Variants in GALNT13 observed in about 807,000 individuals in gnomAD.
GALNT13 encodes the protein UDP-GalNAc:polypeptide N-acetylgalactosaminyltransferase 13.
GALNT13 carries 28 observed loss-of-function variants against 64.2 expected under a neutral mutation model. The observed-to-expected ratio is 0.44, with a 90% CI of 0.32 to 0.60. GALNT13 has a LOEUF of 0.60. Ranked by LOEUF, GALNT13 falls within the 20% of genes least tolerant of loss-of-function variation. GALNT13 has a pLI of 0.05. For synonymous variants in GALNT13, 214 were observed against 224.6 expected (o/e 0.95, Z 0.42); for missense variants, 577 against 669.8 (o/e 0.86, Z 1.53).
chr2:154,344,037 C>T (rs753158469), intron 9 of GALNT13, among the ~76,000 whole-genome samples: 4 of 151,886 alleles, frequency 2.6e-5, no homozygotes, highest in South Asian at 2.1e-4. Context: ...TTTCTCTCTC[C>T]TTGTGAGTCT....
At chr2:153,419,495 G>GAT in the GALNT13 span, among the ~76,000 whole-genome samples, 7 of 152,206 alleles carry the variant, frequency 4.6e-5, no homozygotes, top group Admixed American at 1.3e-4. Flanking sequence ...ATGGCAAAAT[G>GAT]ATAGAGACAA....
At chr2:153,609,917 G>A in the GALNT13 span, among the ~76,000 whole-genome samples, 1 of 152,076 alleles carries the variant, frequency 6.6e-6, no homozygotes, top group African/African-American at 2.4e-5. Context: ...ATGACATCCT[G>A]AGCTAGGAAA....
chr2:154,130,731 C>T (rs1451389375), intron 3 of GALNT13, among the ~76,000 whole-genome samples: 2 of 152,118 alleles, frequency 1.3e-5, no homozygotes, highest in Non-Finnish European at 2.9e-5. Context: ...GATGCATAGT[C>T]AATGAATGCA....
At chr2:153,468,429 C>T in the GALNT13 span, among the ~76,000 whole-genome samples, 3 of 152,020 alleles carry the variant, frequency 2.0e-5, no homozygotes, top group Admixed American at 6.6e-5. Context: ...CTCTATACAC[C>T]ACTACTGAGG....
the GALNT13 span, among the ~76,000 whole-genome samples, chr2:153,640,113 G>C: frequency 2.6e-5 from 4 of 152,212 alleles, no homozygotes; most frequent in African/African-American, 9.6e-5. Flanking sequence ...GTTGGAAAAA[G>C]AAGTTTGGTC....
At chr2:153,140,439 A>G in the GALNT13 span, among the ~76,000 whole-genome samples, 2 of 152,012 alleles carry the variant, frequency 1.3e-5, no homozygotes, top group African/African-American at 4.8e-5. Context: ...ATATAAATGT[A>G]TTTTCATAAA....
chr2:154,100,916 G>C (rs1182781802), intron 3 of GALNT13, among the ~76,000 whole-genome samples: 1 of 150,696 alleles, frequency 6.6e-6, no homozygotes, highest in Non-Finnish European at 1.5e-5. Context: ...ATTTATGAGA[G>C]GATGTTGGAG....
At chr2:154,277,344 T>G (rs1691704825) in intron 8 of GALNT13, among the ~76,000 whole-genome samples, 2 of 152,254 alleles carry the variant, frequency 1.3e-5, no homozygotes, top group South Asian at 4.1e-4. Context: ...TCGTCAAAAT[T>G]AATGCATTCA....
chr2:154,308,831 G>A lies in GALNT13; in HGVS notation c.1156+7242G>A, dbSNP rs1373381724. On this transcript the variant is annotated intron_variant, in intron 9 of 12. Coordinates refer to ENST00000392825, the MANE Select transcript of GALNT13 (RefSeq NM_052917.4). ...GTGATGCCCTAAAATGCTAAATATT[G>A]AAAATAAAGAATGACAGCTATATTC... Among the ~76,000 whole-genome samples the A allele has an allele frequency of 3.9e-5, 6 of 152,092 alleles. No homozygotes were observed. The East Asian group carries it at 1.2e-3, about 29-fold the overall frequency.
chr2:153,674,427 A>T, the GALNT13 span, among the ~76,000 whole-genome samples: 1 of 152,286 alleles, frequency 6.6e-6, no homozygotes, highest in South Asian at 2.1e-4. Context: ...TCTTTGACAA[A>T]CCTGACAAAA....
chr2:153,702,354 G>T, the GALNT13 span, among the ~76,000 whole-genome samples: 1 of 152,004 alleles, frequency 6.6e-6, no homozygotes, highest in African/African-American at 2.4e-5. Context: ...GAGGGTTAGG[G>T]GCAAGGGGAG....
At chr2:153,925,436 T>G (rs994331908) in intron 2 of GALNT13, among the ~76,000 whole-genome samples, 2 of 151,970 alleles carry the variant, frequency 1.3e-5, no homozygotes, top group African/African-American at 4.8e-5. Context: ...ACCTGTACCA[T>G]GCTGTTTTGG....
chr2:153,721,863 C>A, the GALNT13 span, among the ~76,000 whole-genome samples: 4 of 151,448 alleles, frequency 2.6e-5, no homozygotes, highest in African/African-American at 7.3e-5. Flanking sequence ...TAATCGGAGA[C>A]TTTAACACCC....
the GALNT13 span, among the ~76,000 whole-genome samples, chr2:153,228,803 G>A: frequency 1.3e-5 from 2 of 149,320 alleles, no homozygotes; most frequent in African/African-American, 2.5e-5. Flanking sequence ...AACCTGGGAG[G>A]CGGAGGTTGC....
chr2:153,379,881 A>T, the GALNT13 span, among the ~76,000 whole-genome samples: 1 of 152,192 alleles, frequency 6.6e-6, no homozygotes, highest in African/African-American at 2.4e-5. Context: ...ATCCAATGGG[A>T]TAGATATATC....
chr2:153,411,430 A>G, the GALNT13 span, among the ~76,000 whole-genome samples: 1 of 152,122 alleles, frequency 6.6e-6, no homozygotes, highest in Non-Finnish European at 1.5e-5. Flanking sequence ...GCTTGATGAG[A>G]GATAGAAGAG....
chr2:153,542,104 T>G, the GALNT13 span, among the ~76,000 whole-genome samples: 16 of 151,820 alleles, frequency 1.1e-4, no homozygotes, highest in Non-Finnish European at 2.2e-4. Flanking sequence ...GAACACCTGA[T>G]GTCAGGAGTT....
the GALNT13 span, among the ~76,000 whole-genome samples, chr2:153,416,380 G>A: frequency 0.015 from 2,280 of 152,234 alleles, 65 homozygotes; most frequent in African/African-American, 0.052. Context: ...TGTTGACTTC[G>A]TCCATCTAAA....
the GALNT13 span, among the ~76,000 whole-genome samples, chr2:153,651,677 T>A: frequency 6.6e-6 from 1 of 152,330 alleles, no homozygotes; most frequent in South Asian, 2.1e-4. Flanking sequence ...ACGTACAGTT[T>A]CTAATAATGT....
Sources: gnomAD v4.1 joint callset for allele counts (sites outside exome capture counted in the v4.1 genomes callset) on GRCh38, gnomAD v4.1.1 for gene constraint, MANE v1.5 for transcripts, NCBI Gene and HGNC (gene_info 2026-07-23, HGNC 2026-07-21) for gene names.